Variants in RNF168 observed in about 807,000 individuals in gnomAD.
RNF168 encodes the protein ring finger protein 168, also known as E3 ubiquitin-protein ligase RNF168.
Under a neutral mutation model 34.9 loss-of-function variants are expected in RNF168, and 34 were observed. The observed-to-expected ratio is 0.97, with a 90% confidence interval of 0.74 to 1.30. The LOEUF (loss-of-function observed/expected upper bound fraction) is 1.30. RNF168 is among the 50% of genes most tolerant of loss of function. The pLI is 0.00. For synonymous variants in RNF168, 264 were observed against 254.7 expected, an observed-to-expected ratio of 1.04 and a Z score of -0.35; for missense variants, 725 against 682.5, an observed-to-expected ratio of 1.06 and a Z score of -0.69.
Position 196,483,676 on chromosome 3 carries a change from A to T in RNF168, c.680+94T>A, listed in dbSNP as rs1038788725. On this transcript the variant is annotated intron_variant, in intron 4 of 5. Coordinates refer to ENST00000318037, the MANE Select transcript of RNF168 (RefSeq NM_152617.4). ...GACTATTTTCATACAAAGTTCACGG[A>T]CCAAACTTTGAGAATCAGTAGTAGT... The T allele has an allele frequency of 5.5e-6, 6 of 1,092,462 alleles. No individual in the cohort carries two copies. In the African/African-American group the frequency reaches 9.3e-5, roughly 17 times the overall value. 67.7% of individuals were successfully genotyped at this position (1,092,462 alleles called of 1,614,324 possible). A position where few individuals can be genotyped will look rare whatever the true frequency, so the allele number is the denominator to read the frequency against.
intron 4 of RNF168, among the ~76,000 whole-genome samples, chr3:196,478,989 G>C (rs930783610): frequency 6.7e-6 from 1 of 149,324 alleles, no homozygotes; most frequent in African/African-American, 2.5e-5. Context: ...TTACAGGTGT[G>C]AGCCACCGCA....
At chr3:196,476,599 A>T (rs1162622871) in intron 4 of RNF168, among the ~76,000 whole-genome samples, 1 of 151,598 alleles carries the variant, frequency 6.6e-6, no homozygotes, top group East Asian at 1.9e-4. Context: ...TATTTTTAGT[A>T]GAGACGGGGT....
Position 196,471,633 on chromosome 3 carries a change from T to C in RNF168, c.*186A>G. 2 of 597,900 alleles carry C rather than the reference T, an allele frequency of 3.3e-6. No homozygotes were observed. Among genetic ancestry groups the C allele is most frequent in the Admixed American group, 2.9e-5 (1 of 34,550 alleles). 37.0% of individuals were successfully genotyped at this position (597,900 alleles called of 1,614,324 possible). A position where few individuals can be genotyped will look rare whatever the true frequency, so the allele number is the denominator to read the frequency against. On this transcript the variant is annotated 3_prime_UTR_variant, in exon 6 of 6. Transcript: ENST00000318037. ...AAGAAGGGAAACGACAGGGGACCCC[T>C]GCTTACCGCTGAGCTGTGCAGAAGC...
At chr3:196,486,128 C>A (rs1732415346) in intron 3 of RNF168, among the ~76,000 whole-genome samples, 2 of 152,160 alleles carry the variant, frequency 1.3e-5, no homozygotes, top group Non-Finnish European at 2.9e-5. Context: ...CTACAGGAAG[C>A]AGAACATCCA....
At chr3:196,480,756 C>T (rs572724034) in intron 4 of RNF168, among the ~76,000 whole-genome samples, 1 of 152,286 alleles carries the variant, frequency 6.6e-6, no homozygotes, top group African/African-American at 2.4e-5. Context: ...GATCCTCCTG[C>T]CTCAGCCACC....
Position 196,503,371 on chromosome 3 carries a change from C to T in RNF168, c.-198G>A. The T allele has an allele frequency of 1.6e-6, 1 of 609,792 alleles. No homozygotes were observed. Among genetic ancestry groups the T allele is most frequent in the Non-Finnish European group, 2.9e-6 (1 of 343,106 alleles). 37.8% of individuals were successfully genotyped at this position (609,792 alleles called of 1,614,324 possible). ...CTCAGGGTCAGGCAAACAGGAATAC[C>T]CCGGAGGGCGGCGTCTTTGTCCATT... On this transcript the variant is annotated 5_prime_UTR_variant, in exon 1 of 6. Transcript: ENST00000318037.
At chr3:196,472,916 T>C in intron 5 of RNF168, 144 bp from the exon 6 acceptor site, 1 of 580,446 alleles carries the variant, frequency 1.7e-6, no homozygotes, top group Non-Finnish European at 3.0e-6. Flanking sequence ...TTTCTTTTCT[T>C]TTTTTTTCAG....
intron 1 of RNF168, among the ~76,000 whole-genome samples, chr3:196,496,910 C>T (rs1341372375): frequency 6.6e-6 from 1 of 152,062 alleles, no homozygotes; most frequent in Non-Finnish European, 1.5e-5. Flanking sequence ...TTTGGAAGGT[C>T]GAGGCAGGAG....
chr3:196,486,786 T>C (rs377500540), intron 3 of RNF168, among the ~76,000 whole-genome samples: 38 of 152,336 alleles, frequency 2.5e-4, no homozygotes, highest in Non-Finnish European at 4.6e-4. Context: ...AAAAAGTTGT[T>C]AAACAACTTG....
intron 1 of RNF168, among the ~76,000 whole-genome samples, chr3:196,490,828 G>A (rs78249053): frequency 2.6e-5 from 4 of 152,146 alleles, no homozygotes; most frequent in African/African-American, 2.4e-5. Flanking sequence ...AGTCACTAAG[G>A]AGGATCTATT....
intron 1 of RNF168, among the ~76,000 whole-genome samples, chr3:196,500,511 A>G (rs1281768257): frequency 6.6e-6 from 1 of 152,070 alleles, no homozygotes; most frequent in Non-Finnish European, 1.5e-5. Flanking sequence ...AGGAGGGAGG[A>G]ACGGTGAGCC....
rs780793963 is a variant in RNF168, at chr3:196,475,247, T to C, written c.746A>G (p.Lys249Arg). The C allele has an allele frequency of 1.2e-5, 19 of 1,602,982 alleles. No individual in the cohort carries two copies. In the South Asian group the frequency reaches 2.1e-4, roughly 18 times the overall value. The change falls in exon 5 of 6, where the codon AAA becomes AGA. Residue 249 changes from lysine to arginine, a missense_variant. Physicochemically the swap from Lys to Arg is conservative, Grantham distance 26. Coordinates refer to ENST00000318037, the MANE Select transcript of RNF168 (RefSeq NM_152617.4). Reference protein sequence around the residue: ...SHSEAVQEVRKDSVSKDIDSS... With the variant: ...SHSEAVQEVRRDSVSKDIDSS... ...TCAACATACCTTAGATACGGAGTCT[T>C]TCCTGACTTCTTGTACAGCTTCAGA...
intron 3 of RNF168, 113 bp downstream of exon 3, chr3:196,487,286 T>C (rs1225157927): frequency 1.0e-6 from 1 of 952,486 alleles, no homozygotes; most frequent in Admixed American, 1.7e-5. Flanking sequence ...AAAGACAATA[T>C]TTGTGGGATG....
intron 1 of RNF168, among the ~76,000 whole-genome samples, chr3:196,500,883 T>C (rs924794079): frequency 3.2e-4 from 48 of 151,716 alleles, no homozygotes; most frequent in African/African-American, 9.4e-4. Flanking sequence ...GGCTAATTTT[T>C]TGTATTTTTA....
intron 4 of RNF168, 45 bp from the exon 5 acceptor site, chr3:196,475,357 T>C (rs1281446321): frequency 9.1e-7 from 1 of 1,101,744 alleles, no homozygotes; most frequent in Non-Finnish European, 1.4e-6. Context: ...CAAAGACAGA[T>C]GGTATGTACC....
chr3:196,492,011 T>C (rs536886086), intron 1 of RNF168, among the ~76,000 whole-genome samples: 4 of 152,212 alleles, frequency 2.6e-5, no homozygotes, highest in Non-Finnish European at 4.4e-5. Flanking sequence ...TATTGTTTAA[T>C]GGGCAGTTTC....
chr3:196,475,952 C>T (rs761733948), intron 4 of RNF168, among the ~76,000 whole-genome samples: 28 of 151,632 alleles, frequency 1.8e-4, no homozygotes, highest in Non-Finnish European at 2.5e-4. Context: ...CTCCGCCTCC[C>T]GGGTTTAAGC....
intron 1 of RNF168, among the ~76,000 whole-genome samples, chr3:196,493,856 T>TTTA (rs148051383): frequency 0.042 from 5,431 of 127,922 alleles, 340 homozygotes; most frequent in African/African-American, 0.16. Flanking sequence ...TTTAAATTTA[T>TTTA]TTTTTTTTTT....
intron 1 of RNF168, among the ~76,000 whole-genome samples, chr3:196,493,862 T>A (rs1206507904): frequency 2.6e-5 from 4 of 151,144 alleles, no homozygotes; most frequent in African/African-American, 4.9e-5. Context: ...TTTATTTTTT[T>A]TTTTTTTTGA....
Sources: gnomAD v4.1 joint callset for allele counts (sites outside exome capture counted in the v4.1 genomes callset) on GRCh38, gnomAD v4.1.1 for gene constraint, MANE v1.5 for transcripts, NCBI Gene and HGNC (gene_info 2026-07-23, HGNC 2026-07-21) for gene names.